The following DPPA4 variants were observed in gnomAD, a reference collection of about 807,000 sequenced individuals.
DPPA4 encodes the protein developmental pluripotency associated 4.
In DPPA4, 22 loss-of-function variants were observed where a neutral mutation model predicts 33.7. The observed-to-expected ratio is 0.65, with a 90% CI of 0.47 to 0.93. The LOEUF (loss-of-function observed/expected upper bound fraction) is 0.93, where lower values mean the gene tolerates loss of function less well. Among genes scored for constraint, DPPA4 ranks in the 40% least tolerant of loss-of-function variants. DPPA4 has a pLI of 0.00. For missense variants in DPPA4, 340 were observed against 358.6 expected (o/e 0.95, Z 0.42); for synonymous variants, 156 against 132.3 (o/e 1.18, Z -1.23).
In DPPA4 at chr3:109,329,054, G is replaced by T; in HGVS notation, c.714C>A (p.Leu238=). The T allele has an allele frequency of 2.5e-6, 4 of 1,614,034 alleles. No individual in the cohort carries two copies. The highest frequency in any genetic ancestry group is 3.4e-6 in the Non-Finnish European group (4 of 1,180,024). The stretch of plus-strand genomic sequence containing the variant: ...GAACCCAACCATCTGTGTCTGCAGG[G>T]AGACTTTTCCCATGGACCACACACC... The part of the protein sequence containing the change: ...VRWCVVHGKS[L]PADTDGWVHL... The change falls in exon 6 of 7, where the codon CTC becomes CTA. Residue 238 remains leucine (L), a synonymous_variant. Transcript: ENST00000335658.
chr3:109,331,693 A>C, intron 4 of DPPA4, 41 bp downstream of exon 4: 1 of 1,599,112 alleles, frequency 6.3e-7, no homozygotes, highest in Middle Eastern at 1.7e-4. Context: ...ACAATAGGTA[A>C]TTAGGATAAG....
Position 109,330,728 on chromosome 3 carries a change from G to A in DPPA4, c.475C>T (p.Gln159Ter). 1.2e-6 allele frequency: 2 copies of A among 1,614,098 alleles called. No individual in the cohort carries two copies. The highest frequency in any genetic ancestry group is 1.7e-6 in the Non-Finnish European group (2 of 1,180,006). The change falls in exon 5 of 7, where the codon CAA (glutamine) becomes TAA (stop). Residue 159 changes from glutamine (Q) to a stop codon, truncating the protein, a stop_gained. Transcript: ENST00000335658. LOFTEE classifies it high-confidence loss of function. ...TCAGGAGGATGTGTCTCAGAACTTT[G>A]CAGGGACGTTTCCCCCTTTTCCACC... ...LKVEKGETSL[Q>*]SSETHPPEVA... is the part of the protein sequence containing the mutation.
chr3:109,336,148 TA>T lies in DPPA4; in HGVS notation c.54+1315del, dbSNP rs35600274. On this transcript the variant is annotated intron_variant, in intron 1 of 6. Transcript: ENST00000335658. ...CTCTGGGCGACAGAGTCAAACTCAT[TA>T]AAAAAAAAAAATTAATATAATAAAA... Among the ~76,000 whole-genome samples, 1,403 of 145,492 alleles carry T rather than the reference TA, an allele frequency of 9.6e-3. 34 individuals carry two copies. Among genetic ancestry groups the T allele is most frequent in the Admixed American group, 0.055 (802 of 14,616 alleles).
intron 2 of DPPA4, 150 bp downstream of exon 2, chr3:109,333,720 G>C (rs995747823): frequency 2.3e-6 from 2 of 855,948 alleles, no homozygotes; most frequent in African/African-American, 3.4e-5. Context: ...GATGCTTCAG[G>C]AAGGTAACAG....
rs1291630423 is a variant in DPPA4 at position 109,331,560 on chromosome 3, A to G, written c.390+174T>C. On this transcript the variant is annotated intron_variant, in intron 4 of 6. Coordinates refer to ENST00000335658, the MANE Select transcript of DPPA4 (RefSeq NM_018189.4). ...CTCTGTCTCAAAAAAAAAAAAAAAA[A>G]AAAAAAAGAAAGAAAGAAAGAAAAA... Among the ~76,000 whole-genome samples the G allele has an allele frequency of 6.8e-5, 10 of 147,222 alleles. 1 individual carries two copies. Among genetic ancestry groups the G allele is most frequent in the African/African-American group, 2.2e-4 (9 of 40,068 alleles).
At chr3:109,328,625 A>G (rs1286469102) in intron 6 of DPPA4, among the ~76,000 whole-genome samples, 1 of 152,214 alleles carries the variant, frequency 6.6e-6, no homozygotes, top group African/African-American at 2.4e-5. Flanking sequence ...ATTTCTGTGT[A>G]GAGCATACAC....
chr3:109,330,143 A>C (rs1455379370), intron 5 of DPPA4: 1 of 261,754 alleles, frequency 3.8e-6, no homozygotes. Flanking sequence ...CTCTACTAAA[A>C]AGACAACATT....
intron 4 of DPPA4, 119 bp downstream of exon 4, chr3:109,331,615 C>T (rs2107345254): frequency 1.8e-6 from 1 of 563,574 alleles, no homozygotes. Context: ...AAATATTGTT[C>T]TTTCTTAGAA....
intron 6 of DPPA4, among the ~76,000 whole-genome samples, chr3:109,328,436 T>TCTTGCTAC (rs1475980424): frequency 3.3e-5 from 5 of 152,208 alleles, no homozygotes; most frequent in Non-Finnish European, 5.9e-5. Context: ...TGGGAGATGG[T>TCTTGCTAC]CTTGCTACGT....
rs1342302484 is a variant in DPPA4 at position 109,330,773 on chromosome 3, A to G, written c.430T>C (p.Ser144Pro). The G allele has an allele frequency of 6.2e-7, 1 of 1,613,374 alleles. No individual in the cohort carries two copies. The highest frequency in any genetic ancestry group is 1.1e-5 in the South Asian group (1 of 90,908). The change falls in exon 5 of 7, where the codon TCA becomes CCA. Residue 144 changes from serine (S) to proline (P), a missense_variant. Coordinates refer to ENST00000335658, the MANE Select transcript of DPPA4 (RefSeq NM_018189.4). ...STAKEAKIRK[S>P]LQKKLKVEKG... is the part of the protein sequence containing the mutation. ...TCCACCTTTAATTTTTTTTGCAATGATTTCCGGATTTTGGCCTCTTTTGCT... is the reference window on the plus strand; with the variant it reads ...TCCACCTTTAATTTTTTTTGCAATGGTTTCCGGATTTTGGCCTCTTTTGCT...
chr3:109,337,471 C>T lies in DPPA4; in HGVS notation c.47G>A (p.Gly16Asp). 1 of 1,614,058 alleles carries T rather than the reference C, an allele frequency of 6.2e-7. No individual in the cohort carries two copies. The highest frequency in any genetic ancestry group is 2.2e-5 in the East Asian group (1 of 44,874). The change falls in exon 1 of 7, where the codon GGC (glycine) becomes GAC (aspartate). Residue 16 changes from glycine to aspartate, a missense_variant. Gly to Asp is a moderately conservative substitution (Grantham distance 94, BLOSUM62 -1). This residue lies in a region of DPPA4 where 96 missense variants were observed against 91.8 expected (regional missense o/e 1.05). Transcript: ENST00000335658. Reference sequence around the variant, plus strand: ...CACTAAAACTGTACTGACCTCCTTGCCTTTTGCCTTCTCCATACTTGTAGA... The same window carrying T: ...CACTAAAACTGTACTGACCTCCTTGTCTTTTGCCTTCTCCATACTTGTAGA... Reference protein sequence around the residue: ...ASSTSMEKAKGKEWTSTEKSR... With the variant: ...ASSTSMEKAKDKEWTSTEKSR...
chr3:109,330,819 A>G lies in DPPA4; in HGVS notation c.391-7T>C. On this transcript the variant is annotated splice_polypyrimidine_tract_variant and splice_region_variant and intron_variant, in intron 4 of 6. Transcript: ENST00000335658. ...TTGCTGTGCTAGGAAAATCCTACAA[A>G]AAGGGTTAAATAATAAAGATAAAAA... 6.3e-7 allele frequency: 1 copy of G among 1,590,046 alleles called. No homozygotes were observed. Among genetic ancestry groups the G allele is most frequent in the Non-Finnish European group, 8.5e-7 (1 of 1,171,272 alleles).
At chr3:109,336,893 C>T (rs1255635205) in intron 1 of DPPA4, among the ~76,000 whole-genome samples, 1 of 152,064 alleles carries the variant, frequency 6.6e-6, no homozygotes, top group Non-Finnish European at 1.5e-5. Context: ...AACCTGAAAA[C>T]CTAATTTTTT....
upstream of DPPA4, chr3:109,337,639 C>A (rs1188927370): frequency 6.1e-6 from 5 of 820,542 alleles, no homozygotes; most frequent in Non-Finnish European, 1.0e-5. Context: ...TCTGTTCCCT[C>A]CCCCACAATT....
At position 109,328,004 on chromosome 3, in the gene DPPA4, C is replaced by T. The variant is rs779911827; in HGVS notation, c.899G>A (p.Ser300Asn). 5 of 1,543,128 alleles carry T rather than the reference C, an allele frequency of 3.2e-6. No individual in the cohort carries two copies. The highest frequency in any genetic ancestry group is 1.8e-4 in the Middle Eastern group (1 of 5,594). The change falls in exon 7 of 7, where the codon AGC (serine) becomes AAC (asparagine). Residue 300 changes from serine to asparagine, a missense_variant. Coordinates refer to ENST00000335658, the MANE Select transcript of DPPA4 (RefSeq NM_018189.4). ...CVHRNKVLIK[S>N]LQWE The stretch of plus-strand genomic sequence containing the variant: ...CCTGATATTCTATTCCCATTGGAGG[C>T]TTTTTATTAAGACCTTGTTCCTATA...
chr3:109,330,851 T>C, intron 4 of DPPA4, 39 bp from the exon 5 acceptor site: 1 of 1,517,400 alleles, frequency 6.6e-7, no homozygotes, highest in Non-Finnish European at 8.8e-7. Context: ...AAAATACAGA[T>C]TAAAATTCTA....
At position 109,327,914 on chromosome 3, in the gene DPPA4, A is replaced by AGCAGCACC; in HGVS notation, c.*66_*73dup. ...TGCAGAGGACCAGAGTTCACCTGTC[A>AGCAGCACC]GCAGCACCGCAGAATCCAACTCTCC... On this transcript the variant is annotated 3_prime_UTR_variant, in exon 7 of 7. Transcript: ENST00000335658. The AGCAGCACC allele has an allele frequency of 9.2e-7, 1 of 1,088,972 alleles. No individual in the cohort carries two copies. Among genetic ancestry groups the AGCAGCACC allele is most frequent in the Non-Finnish European group, 1.4e-6 (1 of 708,578 alleles). The allele number at this position is 1,088,972 out of a possible 1,614,324, so 67.5% of individuals were successfully genotyped here.
At chr3:109,329,451 C>G (rs1177994675) in intron 5 of DPPA4, 1 of 200,826 alleles carries the variant, frequency 5.0e-6, no homozygotes, top group Non-Finnish European at 1.0e-5. Context: ...AGGAGAATGG[C>G]GTGAACCCGG....
chr3:109,334,030 T>A (rs1384962849), intron 1 of DPPA4, 37 bp from the exon 2 acceptor site: 8 of 1,610,926 alleles, frequency 5.0e-6, no homozygotes, highest in Non-Finnish European at 6.8e-6. Context: ...ATTCCTCTAG[T>A]GTCCAAACCA....
Sources: gnomAD v4.1 joint callset for allele counts (sites outside exome capture counted in the v4.1 genomes callset) on GRCh38, gnomAD v4.1.1 for gene constraint, gnomAD v4.1.1 regional missense constraint, MANE v1.5 for transcripts, NCBI Gene and HGNC (gene_info 2026-07-23, HGNC 2026-07-21) for gene names.